APBB1IP: variants seen among roughly 807,000 people sequenced by gnomAD.
The protein encoded by APBB1IP is amyloid beta A4 precursor protein-binding family B member 1-interacting protein.
A neutral mutation model predicts 64.9 loss-of-function variants in APBB1IP; 27 were observed. The observed-to-expected ratio is 0.42, with a 90% confidence interval of 0.31 to 0.57. The LOEUF is 0.57. Ranked by LOEUF, APBB1IP falls within the 20% of genes least tolerant of loss-of-function variation. The pLI is 0.20. For missense variants in APBB1IP, 812 were observed against 845.5 expected, an observed-to-expected ratio of 0.96 and a Z score of 0.49; for synonymous variants, 392 against 331.0, an observed-to-expected ratio of 1.18 and a Z score of -2.00.
chr10:26,515,992 T>C (rs1022294364), intron 8 of APBB1IP, among the ~76,000 whole-genome samples: 1 of 152,164 alleles, frequency 6.6e-6, no homozygotes, highest in African/African-American at 2.4e-5. Flanking sequence ...TCTAAAGAAG[T>C]GGCCGAGGCA....
intron 6 of APBB1IP, among the ~76,000 whole-genome samples, chr10:26,507,113 G>A (rs538978315): frequency 6.6e-5 from 10 of 152,142 alleles, no homozygotes; most frequent in Non-Finnish European, 1.5e-4. Context: ...TAGGCCCAAG[G>A]AGAAGTTTGG....
chr10:26,440,822 T>C (rs565514116), intron 2 of APBB1IP, among the ~76,000 whole-genome samples: 2 of 152,362 alleles, frequency 1.3e-5, no homozygotes, highest in South Asian at 4.1e-4. Context: ...CTTATAAAGT[T>C]CATTGCCATA....
intron 8 of APBB1IP, among the ~76,000 whole-genome samples, chr10:26,515,656 T>C (rs1317298849): frequency 6.6e-6 from 1 of 152,226 alleles, no homozygotes; most frequent in African/African-American, 2.4e-5. Context: ...AACATGGCTA[T>C]GCTATTGTAT....
intron 2 of APBB1IP, among the ~76,000 whole-genome samples, chr10:26,445,655 T>G (rs1326215887): frequency 6.6e-6 from 1 of 152,238 alleles, no homozygotes; most frequent in African/African-American, 2.4e-5. Context: ...ACAGAGACCT[T>G]TCCCACAAAG....
intron 2 of APBB1IP, among the ~76,000 whole-genome samples, chr10:26,469,633 G>A (rs952209654): frequency 1.3e-5 from 2 of 151,742 alleles, no homozygotes; most frequent in East Asian, 1.9e-4. Context: ...CATTGGATAC[G>A]TGTACAAGTT....
intron 11 of APBB1IP, among the ~76,000 whole-genome samples, chr10:26,553,281 A>G (rs1042789059): frequency 1.3e-5 from 2 of 151,850 alleles, no homozygotes; most frequent in Non-Finnish European, 2.9e-5. Context: ...CAGCCTCCCA[A>G]AGTGCTGGGA....
At chr10:26,527,187 G>T (rs1057346728) in intron 8 of APBB1IP, among the ~76,000 whole-genome samples, 2 of 152,152 alleles carry the variant, frequency 1.3e-5, no homozygotes, top group African/African-American at 4.8e-5. Context: ...CCATGACTTC[G>T]GTGCCCTGGA....
At chr10:26,562,188 T>G in intron 13 of APBB1IP, 138 bp from the exon 14 acceptor site, 1 of 665,238 alleles carries the variant, frequency 1.5e-6, no homozygotes, top group Non-Finnish European at 2.6e-6. Flanking sequence ...GTTTTTATTT[T>G]TGTTTTTTTT....
At chr10:26,544,653 A>G (rs992439510) in intron 11 of APBB1IP, among the ~76,000 whole-genome samples, 1 of 152,198 alleles carries the variant, frequency 6.6e-6, no homozygotes, top group Non-Finnish European at 1.5e-5. Flanking sequence ...CAAGAAAAAG[A>G]CAAGGTCTCT....
At chr10:26,551,944 TGGA>T (rs1836836319) in intron 11 of APBB1IP, among the ~76,000 whole-genome samples, 5 of 151,762 alleles carry the variant, frequency 3.3e-5, no homozygotes, top group Non-Finnish European at 7.4e-5. Context: ...GATGGATGGA[TGGA>T]TGGATGGATG....
intron 2 of APBB1IP, among the ~76,000 whole-genome samples, chr10:26,489,763 G>A (rs981064501): frequency 3.9e-5 from 6 of 152,142 alleles, no homozygotes; most frequent in African/African-American, 1.2e-4. Context: ...GATGGCTCAC[G>A]CCTGTAATCC....
At chr10:26,517,158 T>A (rs993125587) in intron 8 of APBB1IP, among the ~76,000 whole-genome samples, 1 of 152,238 alleles carries the variant, frequency 6.6e-6, no homozygotes, top group Admixed American at 6.5e-5. Flanking sequence ...TTTTTGGGGA[T>A]GGCATGTCTT....
intron 11 of APBB1IP, among the ~76,000 whole-genome samples, chr10:26,557,402 G>A (rs887825514): frequency 2.8e-4 from 43 of 152,348 alleles, no homozygotes; most frequent in African/African-American, 9.1e-4. Flanking sequence ...CAATGGAGAT[G>A]CAATTTCTGA....
intron 6 of APBB1IP, among the ~76,000 whole-genome samples, chr10:26,508,175 GT>G (rs1836207584): frequency 6.6e-6 from 1 of 152,148 alleles, no homozygotes; most frequent in African/African-American, 2.4e-5. Context: ...TCTACAACAT[GT>G]TTTTAAAGGA....
chr10:26,439,728 G>A (rs1013529269), intron 2 of APBB1IP, among the ~76,000 whole-genome samples: 1 of 152,188 alleles, frequency 6.6e-6, no homozygotes, highest in Non-Finnish European at 1.5e-5. Flanking sequence ...CTAGAGGAAA[G>A]TAACAAAAGA....
intron 7 of APBB1IP, among the ~76,000 whole-genome samples, chr10:26,513,081 G>A (rs1836280928): frequency 6.6e-6 from 1 of 152,144 alleles, no homozygotes; most frequent in East Asian, 1.9e-4. Flanking sequence ...TAGAATGTTT[G>A]CCACCATCTG....
intron 2 of APBB1IP, among the ~76,000 whole-genome samples, chr10:26,443,991 G>A (rs763389312): frequency 2.6e-5 from 4 of 152,190 alleles, no homozygotes; most frequent in Admixed American, 2.0e-4. Context: ...TACTCAATAA[G>A]CATAATAAAT....
At chr10:26,553,080 G>A (rs1392851331) in intron 11 of APBB1IP, among the ~76,000 whole-genome samples, 2 of 151,968 alleles carry the variant, frequency 1.3e-5, no homozygotes, top group Non-Finnish European at 2.9e-5. Context: ...GGAGTGCAGT[G>A]GCGCGATCTC....
intron 2 of APBB1IP, among the ~76,000 whole-genome samples, chr10:26,485,355 T>G (rs1457456280): frequency 2.0e-5 from 3 of 152,186 alleles, no homozygotes; most frequent in Non-Finnish European, 4.4e-5. Flanking sequence ...ATGTAGAACA[T>G]GTAGCCAGTC....
Sources: gnomAD v4.1 joint callset for allele counts (sites outside exome capture counted in the v4.1 genomes callset) on GRCh38, gnomAD v4.1.1 for gene constraint, MANE v1.5 for transcripts, NCBI Gene and HGNC (gene_info 2026-07-23, HGNC 2026-07-21) for gene names.